CYTH3: variants seen among roughly 807,000 people sequenced by gnomAD.
CYTH3 encodes cytohesin-3.
Under a neutral mutation model 55.1 loss-of-function variants are expected in CYTH3, and 23 were observed. That is an observed-to-expected ratio of 0.42 (90% CI 0.30 to 0.59). The LOEUF is 0.59. CYTH3 is among the 20% of genes least tolerant of loss of function. CYTH3 has a pLI of 0.20. For missense variants in CYTH3, 413 were observed against 524.8 expected (o/e 0.79, Z 2.08); for synonymous variants, 249 against 194.9 (o/e 1.28, Z -2.31).
Position 6,202,990 on chromosome 7 carries a change from C to A in CYTH3, c.35-12459G>T, listed in dbSNP as rs2128547242. 1.3e-5 allele frequency among the ~76,000 whole-genome samples: 2 copies of A among 152,244 alleles called. 1 individual carries two copies. Among genetic ancestry groups the A allele is most frequent in the South Asian group, 4.1e-4 (2 of 4,830 alleles). On this transcript the variant is annotated intron_variant, in intron 1 of 12. Transcript: ENST00000350796. ...TAGAAAGTGACATACCAGACAAATT[C>A]TTACCAAAAAGTTGGTACCGCTATA... is the stretch of plus-strand genomic sequence containing the variant.
At chr7:6,178,638 G>A (rs540719675) in intron 4 of CYTH3, among the ~76,000 whole-genome samples, 1 of 152,312 alleles carries the variant, frequency 6.6e-6, no homozygotes, top group East Asian at 1.9e-4. Context: ...CCACTTGGGA[G>A]CCACCTACTG....
rs1370295973 is a variant in CYTH3, at chr7:6,272,477, C to T, written c.31G>A (p.Gly11Ser). 36 of 1,371,748 alleles carry T rather than the reference C, an allele frequency of 2.6e-5. No individual in the cohort carries two copies. Among genetic ancestry groups the T allele is most frequent in the Non-Finnish European group, 3.0e-5 (32 of 1,053,344 alleles). The allele number at this position is 1,371,748 out of a possible 1,614,324, so 85.0% of individuals were successfully genotyped here. A position where few individuals can be genotyped will look rare whatever the true frequency, so the allele number is the denominator to read the frequency against. MDEDGGGEGG[G>S]VPEDLSLEER... ...CCACCACACCTCCGACACTCACCGC[C>T]ACCACCCTCGCCGCCGCCGTCTTCA... The change falls in exon 1 of 13, where the codon GGC (glycine) becomes AGC (serine). Residue 11 changes from glycine (G) to serine (S), a missense_variant. Physicochemically the swap from Gly to Ser is moderately conservative, Grantham distance 56. Around this residue, in one of 4 missense-constraint regions of CYTH3, gnomAD observed 152 missense variants for 148.1 expected, o/e 1.03. Coordinates refer to ENST00000350796, the MANE Select transcript of CYTH3 (RefSeq NM_004227.4).
At chr7:6,201,755 G>A (rs1262891155) in intron 1 of CYTH3, among the ~76,000 whole-genome samples, 1 of 152,152 alleles carries the variant, frequency 6.6e-6, no homozygotes, top group African/African-American at 2.4e-5. Flanking sequence ...GGGTTCGAAG[G>A]CGGAGCGGAT....
chr7:6,213,091 C>T (rs529900584), intron 1 of CYTH3, among the ~76,000 whole-genome samples: 4 of 152,320 alleles, frequency 2.6e-5, no homozygotes, highest in Admixed American at 2.6e-4. Flanking sequence ...ATAAGAATGT[C>T]AACTCCCAAG....
At chr7:6,207,216 TC>T (rs1443722113) in intron 1 of CYTH3, among the ~76,000 whole-genome samples, 2 of 146,070 alleles carry the variant, frequency 1.4e-5, no homozygotes, top group Non-Finnish European at 3.0e-5. Context: ...TGCCTCAGCC[TC>T]CCGAGTACCT....
chr7:6,205,364 G>C (rs976619084), intron 1 of CYTH3, among the ~76,000 whole-genome samples: 1 of 152,140 alleles, frequency 6.6e-6, no homozygotes, highest in South Asian at 2.1e-4. Context: ...CCTGAGGTCA[G>C]GAGTTTGAGA....
intron 6 of CYTH3, chr7:6,172,599 A>G (rs753967090): frequency 9.5e-6 from 6 of 632,966 alleles, no homozygotes; most frequent in East Asian, 2.5e-4. Flanking sequence ...CAGGCCCTCT[A>G]CGGGGCTATG....
At chr7:6,220,090 C>T (rs1315350945) in intron 1 of CYTH3, among the ~76,000 whole-genome samples, 2 of 151,918 alleles carry the variant, frequency 1.3e-5, no homozygotes, top group Non-Finnish European at 2.9e-5. Flanking sequence ...CGGGGTTTCA[C>T]CATGTTTGAG....
In CYTH3 at chr7:6,180,989, C is replaced by G. The variant is rs574541906; in HGVS notation, c.250-3048G>C. Reference sequence around the variant, plus strand: ...GGTACTTTCTATTTCACAGGCCTTTCCAGCCTTGTGTTGAATGGATCAAAC... The same window carrying G: ...GGTACTTTCTATTTCACAGGCCTTTGCAGCCTTGTGTTGAATGGATCAAAC... On this transcript the variant is annotated intron_variant, in intron 4 of 12. Transcript: ENST00000350796. 5.0e-4 allele frequency among the ~76,000 whole-genome samples: 76 copies of G among 152,290 alleles called. 1 individual carries two copies. Among genetic ancestry groups the G allele is most frequent in the African/African-American group, 1.7e-3 (70 of 41,564 alleles).
intron 1 of CYTH3, among the ~76,000 whole-genome samples, chr7:6,246,245 T>C (rs1345104378): frequency 6.6e-6 from 1 of 151,822 alleles, no homozygotes; most frequent in Non-Finnish European, 1.5e-5. Flanking sequence ...TTTTTTTTTT[T>C]TTTAAAAGAG....
In CYTH3 at chr7:6,171,028, T is replaced by TG. The variant is rs1783173552; in HGVS notation, c.563-51dup. 8 of 1,608,458 alleles carry TG rather than the reference T, an allele frequency of 5.0e-6. No individual in the cohort carries two copies. The African/African-American group carries it at 1.1e-4, about 21-fold the overall frequency. On this transcript the variant is annotated intron_variant, in intron 7 of 12. Transcript: ENST00000350796. This position sits in a 1 kb window ranked among gnomAD's most constrained non-coding sequence, Gnocchi z 6.7. ...CTCAGCCAGAACCTCCAGTGGACAGTGGGACCCCGCGTGCTGGGGGCCCGC... is the reference window on the plus strand; with the variant it reads ...CTCAGCCAGAACCTCCAGTGGACAGTGGGGACCCCGCGTGCTGGGGGCCCGC...
intron 4 of CYTH3, among the ~76,000 whole-genome samples, chr7:6,178,452 G>T (rs553542835): frequency 1.3e-5 from 2 of 152,278 alleles, no homozygotes; most frequent in African/African-American, 4.8e-5. Context: ...CCCAGATCTG[G>T]CCAGACAGAA....
chr7:6,251,270 C>A (rs549563581), intron 1 of CYTH3, among the ~76,000 whole-genome samples: 2 of 150,948 alleles, frequency 1.3e-5, no homozygotes, highest in African/African-American at 4.9e-5. Context: ...AGCGAAACAC[C>A]GTCTCAAAAA....
intron 4 of CYTH3, among the ~76,000 whole-genome samples, chr7:6,182,601 G>C (rs1783531390): frequency 6.6e-6 from 1 of 152,086 alleles, no homozygotes; most frequent in Non-Finnish European, 1.5e-5. Context: ...CAAACTCCTG[G>C]GCTCAAGTGA....
Position 6,161,819 on chromosome 7 carries a change from T to C in CYTH3, c.*3125A>G, listed in dbSNP as rs939141497. On this transcript the variant is annotated 3_prime_UTR_variant, in exon 13 of 13. Transcript: ENST00000350796. ...TGATTTTTATTTAGTGAACACAGTA[T>C]CTGCAAGAGCTCTGACAGCCATCCA... 1 of 152,540 alleles carries C rather than the reference T, an allele frequency of 6.6e-6. No homozygotes were observed. Among genetic ancestry groups the C allele is most frequent in the Non-Finnish European group, 1.5e-5 (1 of 68,046 alleles). 9.4% of individuals were successfully genotyped at this position (152,540 alleles called of 1,614,324 possible). A position where few individuals can be genotyped will look rare whatever the true frequency, so the allele number is the denominator to read the frequency against.
At chr7:6,173,135 G>A (rs2128538363) in intron 6 of CYTH3, 3 of 925,226 alleles carry the variant, frequency 3.2e-6, no homozygotes, top group Non-Finnish European at 3.9e-6. Flanking sequence ...AGGGCACCAA[G>A]GAAGGAAGCG....
At chr7:6,188,539 T>C (rs780486906) in intron 2 of CYTH3, among the ~76,000 whole-genome samples, 22 of 151,946 alleles carry the variant, frequency 1.4e-4, no homozygotes, top group Non-Finnish European at 2.8e-4. Context: ...TCAGGTGTGT[T>C]TAGGTCAGTG....
intron 1 of CYTH3, among the ~76,000 whole-genome samples, chr7:6,255,433 C>A (rs1046496944): frequency 1.3e-5 from 2 of 152,138 alleles, no homozygotes; most frequent in Admixed American, 1.3e-4. Context: ...TTCCTAGAGA[C>A]CCCAAGGGAA....
intron 1 of CYTH3, among the ~76,000 whole-genome samples, chr7:6,221,633 G>C (rs1465733481): frequency 6.6e-6 from 1 of 152,146 alleles, no homozygotes; most frequent in South Asian, 2.1e-4. Flanking sequence ...TGAGTGAAGG[G>C]CAAGTGGAAC....
Sources: allele counts gnomAD v4.1 joint callset (sites outside exome capture counted in the v4.1 genomes callset), GRCh38; gene constraint gnomAD v4.1.1; regional missense constraint gnomAD v4.1.1; non-coding constraint Gnocchi (gnomAD v3.1); transcripts MANE v1.5; gene names NCBI Gene and HGNC (gene_info 2026-07-23, HGNC 2026-07-21).